The following NDUFS6 variants were observed in gnomAD, a reference collection of about 807,000 sequenced individuals.
The protein encoded by NDUFS6 is NADH:ubiquinone oxidoreductase subunit S6.
In NDUFS6, 14 loss-of-function variants were observed where a neutral mutation model predicts 13.2. That is an observed-to-expected ratio of 1.06 (90% confidence interval 0.70 to 1.66). NDUFS6 has a LOEUF of 1.66. NDUFS6 is among the 40% of genes most tolerant of loss of function. NDUFS6 has a pLI of 0.00. For missense variants in NDUFS6, 206 were observed against 170.8 expected, an observed-to-expected ratio of 1.21 and a Z score of -1.15; for synonymous variants, 95 against 72.3, an observed-to-expected ratio of 1.31 and a Z score of -1.60.
chr5:1,802,104 T>G, intron 1 of NDUFS6: 2 of 567,030 alleles, frequency 3.5e-6, no homozygotes, highest in South Asian at 2.1e-5. Flanking sequence ...GGGCTATGTC[T>G]CTGTGCTGCT....
At chr5:1,811,668 C>T (rs752510142) in intron 2 of NDUFS6, among the ~76,000 whole-genome samples, 17 of 152,176 alleles carry the variant, frequency 1.1e-4, no homozygotes, top group African/African-American at 1.7e-4. Context: ...TTCTACTGAC[C>T]GCATCACTGT....
At chr5:1,807,810 A>G (rs931092051) in intron 2 of NDUFS6, among the ~76,000 whole-genome samples, 1 of 152,232 alleles carries the variant, frequency 6.6e-6, no homozygotes, top group Admixed American at 6.5e-5. Flanking sequence ...TGTTGGTCAC[A>G]GGAGGGATGC....
intron 2 of NDUFS6, among the ~76,000 whole-genome samples, chr5:1,813,686 A>G (rs1262397647): frequency 1.3e-5 from 2 of 152,224 alleles, no homozygotes; most frequent in Non-Finnish European, 2.9e-5. Flanking sequence ...TTTCCCGCAC[A>G]TGCCTATGAG....
intron 2 of NDUFS6, 36 bp downstream of exon 2, chr5:1,802,410 C>T: frequency 6.4e-7 from 1 of 1,567,576 alleles, no homozygotes; most frequent in African/African-American, 1.4e-5. Flanking sequence ...GGTAAGCTTT[C>T]CTAAAACTTT....
intron 2 of NDUFS6, among the ~76,000 whole-genome samples, chr5:1,802,916 A>ATT (rs5865385): frequency 4.7e-4 from 70 of 147,794 alleles, no homozygotes; most frequent in Non-Finnish European, 6.1e-4. Context: ...AAATCAGCCT[A>ATT]TTTTTTTTTT....
intron 2 of NDUFS6, among the ~76,000 whole-genome samples, chr5:1,810,786 G>C (rs961629592): frequency 1.3e-5 from 2 of 152,014 alleles, no homozygotes; most frequent in African/African-American, 4.8e-5. Flanking sequence ...TGGCCAGTCT[G>C]GCTCAGCTCT....
At position 1,802,351 on chromosome 5, in the gene NDUFS6, C is replaced by A. The variant is rs772618853; in HGVS notation, c.163C>A (p.Arg55=). The part of the protein sequence containing the change: ...VYDDKDYRRI[R]FVGRQKEVNE... The stretch of plus-strand genomic sequence containing the variant: ...TGATGATAAAGACTACAGGAGAATT[C>A]GGTTTGTAGGTCGTCAGAAAGAGGT... Residue 55 remains arginine, a synonymous_variant, in exon 2 of 4, where the codon CGG becomes AGG. Coordinates refer to ENST00000274137, the MANE Select transcript of NDUFS6 (RefSeq NM_004553.6). 1.2e-6 allele frequency: 2 copies of A among 1,613,786 alleles called. No individual in the cohort carries two copies. Among genetic ancestry groups the A allele is most frequent in the African/African-American group, 1.3e-5 (1 of 74,950 alleles).
chr5:1,813,135 A>G (rs918923012), intron 2 of NDUFS6, among the ~76,000 whole-genome samples: 1 of 152,182 alleles, frequency 6.6e-6, no homozygotes, highest in Non-Finnish European at 1.5e-5. Context: ...CAGGGTTACA[A>G]GACTTCTGCT....
At chr5:1,804,291 C>G (rs759924258) in intron 2 of NDUFS6, among the ~76,000 whole-genome samples, 2 of 152,236 alleles carry the variant, frequency 1.3e-5, no homozygotes, top group Non-Finnish European at 2.9e-5. Context: ...GTCCCTGTCA[C>G]AAACGCCTCT....
intron 2 of NDUFS6, among the ~76,000 whole-genome samples, chr5:1,805,551 C>T (rs1734110075): frequency 6.6e-6 from 1 of 152,170 alleles, no homozygotes; most frequent in Non-Finnish European, 1.5e-5. Context: ...AAAGAATGTG[C>T]CAGCCACCCC....
rs890128322 is a variant in NDUFS6, at chr5:1,815,989, G to A, written c.*73G>A. The A allele has an allele frequency of 2.2e-5, 33 of 1,510,810 alleles. No individual in the cohort carries two copies. The highest frequency in any genetic ancestry group is 3.3e-5 in the Admixed American group (2 of 59,896). 93.6% of individuals were successfully genotyped at this position (1,510,810 alleles called of 1,614,324 possible). A position where few individuals can be genotyped will look rare whatever the true frequency, so the allele number is the denominator to read the frequency against. On this transcript the variant is annotated 3_prime_UTR_variant, in exon 4 of 4. Coordinates refer to ENST00000274137, the MANE Select transcript of NDUFS6 (RefSeq NM_004553.6). ...CGGGGAAGCTGAGCACGTGAAGCTC[G>A]CTGGTTCTGTGCGAAGGGTATTCCT...
intron 2 of NDUFS6, among the ~76,000 whole-genome samples, chr5:1,806,973 G>T (rs2111352137): frequency 6.6e-6 from 1 of 152,310 alleles, no homozygotes; most frequent in East Asian, 1.9e-4. Context: ...CAGCCTTAAG[G>T]AAGAACGCTT....
At chr5:1,811,235 G>A (rs1734214948) in intron 2 of NDUFS6, among the ~76,000 whole-genome samples, 1 of 152,138 alleles carries the variant, frequency 6.6e-6, no homozygotes, top group African/African-American at 2.4e-5. Flanking sequence ...TAAATTGTGG[G>A]GGAGTCAAAA....
chr5:1,806,900 G>C (rs546130959), intron 2 of NDUFS6, among the ~76,000 whole-genome samples: 3 of 152,274 alleles, frequency 2.0e-5, no homozygotes, highest in Admixed American at 6.5e-5. Flanking sequence ...GCAGTTTGGG[G>C]GTCCATTGTC....
chr5:1,805,379 A>T (rs1734107552), intron 2 of NDUFS6, among the ~76,000 whole-genome samples: 1 of 152,248 alleles, frequency 6.6e-6, no homozygotes, highest in African/African-American at 2.4e-5. Flanking sequence ...CCTGTAGAAC[A>T]AGCATAGCAG....
At chr5:1,802,062 G>C (rs1734054282) in intron 1 of NDUFS6, 1 of 503,968 alleles carries the variant, frequency 2.0e-6, no homozygotes, top group Admixed American at 3.6e-5. Context: ...CCTCGGTCAG[G>C]ATTTGTCTCT....
intron 2 of NDUFS6, among the ~76,000 whole-genome samples, chr5:1,802,746 G>T (rs1734068332): frequency 6.6e-6 from 1 of 152,140 alleles, no homozygotes; most frequent in Non-Finnish European, 1.5e-5. Context: ...AAATTAGTGT[G>T]TGTTTTTTAC....
At chr5:1,804,893 A>G (rs116251175) in intron 2 of NDUFS6, among the ~76,000 whole-genome samples, 1,843 of 152,294 alleles carry the variant, frequency 0.012, 32 homozygotes, top group African/African-American at 0.041. Flanking sequence ...TAGATGTGTA[A>G]TGACATGTAT....
intron 2 of NDUFS6, among the ~76,000 whole-genome samples, chr5:1,812,294 GC>G (rs928677115): frequency 5.1e-4 from 77 of 152,056 alleles, no homozygotes; most frequent in African/African-American, 1.7e-3. Context: ...ACCTCTGAAG[GC>G]CCCGCCCTGT....
Sources: allele counts gnomAD v4.1 joint callset (sites outside exome capture counted in the v4.1 genomes callset), GRCh38; gene constraint gnomAD v4.1.1; transcripts MANE v1.5; gene names NCBI Gene and HGNC (gene_info 2026-07-23, HGNC 2026-07-21).